Variants in CEACAM3 observed in about 807,000 individuals in gnomAD.
CEACAM3 encodes the protein cell adhesion molecule CEACAM3.
A neutral mutation model predicts 30.1 loss-of-function variants in CEACAM3; 32 were observed. The observed-to-expected ratio is 1.06, with a 90% CI of 0.80 to 1.43. The LOEUF (loss-of-function observed/expected upper bound fraction) is 1.43, where lower values mean the gene tolerates loss of function less well. CEACAM3 is among the 40% of genes most tolerant of loss of function. The probability of loss-of-function intolerance (pLI) is 0.00; values close to 1 mark genes in which losing one functional copy is unlikely to be tolerated. For missense variants in CEACAM3, 290 were observed against 316.3 expected (o/e 0.92, Z 0.63); for synonymous variants, 134 against 127.2 (o/e 1.05, Z -0.36).
chr19:41,810,850 G>T lies in CEACAM3; in HGVS notation c.646G>T (p.Ala216Ser), dbSNP rs1555827514. 2.5e-6 allele frequency: 4 copies of T among 1,613,302 alleles called. No individual in the cohort carries two copies. The highest frequency in any genetic ancestry group is 3.4e-6 in the Non-Finnish European group (4 of 1,179,618). Residue 216 changes from alanine to serine, a missense_variant, in exon 6 of 7, where the codon GCC (alanine) becomes TCC (serine). Ala to Ser is a moderately conservative substitution (Grantham distance 99). Coordinates refer to ENST00000357396, the MANE Select transcript of CEACAM3 (RefSeq NM_001815.5). ...SAFSMSPLST[A>S]QAPLPNPRTA... is the part of the protein sequence containing the mutation. Reference sequence around the variant, plus strand: ...TCCACAGATGTCCCCTCTCTCCACTGCCCAGGCCCCCCTACCCAACCCCAG... The same window carrying T: ...TCCACAGATGTCCCCTCTCTCCACTTCCCAGGCCCCCCTACCCAACCCCAG...
At position 41,811,285 on chromosome 19, in the gene CEACAM3, C is replaced by A. The variant is rs782213352; in HGVS notation, c.*48C>A. ...TGTGTTGATGGAGAGTCCCCAAGGC[C>A]CCCAGCCCTGGGGATGGGGAAGGAC... On this transcript the variant is annotated 3_prime_UTR_variant, in exon 7 of 7. Coordinates refer to ENST00000357396, the MANE Select transcript of CEACAM3 (RefSeq NM_001815.5). 1 of 1,521,024 alleles carries A rather than the reference C, an allele frequency of 6.6e-7. No homozygotes were observed. Among genetic ancestry groups the A allele is most frequent in the South Asian group, 1.1e-5 (1 of 89,272 alleles). 94.2% of individuals were successfully genotyped at this position (1,521,024 alleles called of 1,614,324 possible). A position where few individuals can be genotyped will look rare whatever the true frequency, so the allele number is the denominator to read the frequency against.
chr19:41,806,922 C>T (rs1372296901), intron 2 of CEACAM3, among the ~76,000 whole-genome samples: 2 of 151,860 alleles, frequency 1.3e-5, no homozygotes, highest in East Asian at 1.9e-4. Context: ...CTCGTGACCT[C>T]GTGATACGCC....
At position 41,798,071 on chromosome 19, in the gene CEACAM3, A is replaced by G. The variant is rs528661447; in HGVS notation, c.424+123A>G. The G allele has an allele frequency of 7.1e-5, 105 of 1,478,264 alleles. No homozygotes were observed. In the African/African-American group the frequency reaches 1.4e-3, roughly 20 times the overall value. The allele number at this position is 1,478,264 out of a possible 1,614,324, so 91.6% of individuals were successfully genotyped here. ...TTACATTCTGTATCAGGGTTTGGAC[A>G]TTTAGTGCAGGACACACACGGGGGA... is the stretch of plus-strand genomic sequence containing the variant. On this transcript the variant is annotated intron_variant, in intron 2 of 6. Coordinates refer to ENST00000357396, the MANE Select transcript of CEACAM3 (RefSeq NM_001815.5).
Position 41,810,904 on chromosome 19 carries a change from G to A in CEACAM3, c.693+7G>A, listed in dbSNP as rs2073244835. The A allele has an allele frequency of 2.6e-5, 42 of 1,612,994 alleles. No individual in the cohort carries two copies. The highest frequency in any genetic ancestry group is 3.5e-5 in the Non-Finnish European group (41 of 1,179,360). ...AGCAGCTTCCATCTATGAGGTGAGT[G>A]TGGGCCACGGATGTTCTGGTCCCAC... On this transcript the variant is annotated splice_region_variant and intron_variant, in intron 6 of 6. Coordinates refer to ENST00000357396, the MANE Select transcript of CEACAM3 (RefSeq NM_001815.5).
At chr19:41,806,643 C>A (rs2073202456) in intron 2 of CEACAM3, among the ~76,000 whole-genome samples, 1 of 152,188 alleles carries the variant, frequency 6.6e-6, no homozygotes, top group Non-Finnish European at 1.5e-5. Context: ...CTGTGACACA[C>A]ACATCTGTCT....
At chr19:41,809,148 C>A in intron 3 of CEACAM3, 1 of 466,028 alleles carries the variant, frequency 2.1e-6, no homozygotes, top group Non-Finnish European at 3.8e-6. Context: ...AATTAAGGCC[C>A]CACCCCTGAG....
At chr19:41,808,959 C>A in intron 3 of CEACAM3, 29 bp downstream of exon 3, 1 of 1,489,748 alleles carries the variant, frequency 6.7e-7, no homozygotes, top group South Asian at 1.3e-5. Context: ...ATCCTTCTCC[C>A]ACCCCCTAGG....
At chr19:41,801,491 G>A (rs1005785054) in intron 2 of CEACAM3, among the ~76,000 whole-genome samples, 4 of 152,212 alleles carry the variant, frequency 2.6e-5, no homozygotes, top group Non-Finnish European at 5.9e-5. Context: ...CCAATTCACT[G>A]AGACCACGAT....
intron 2 of CEACAM3, among the ~76,000 whole-genome samples, chr19:41,808,227 C>T (rs1214950864): frequency 1.3e-5 from 2 of 152,230 alleles, no homozygotes; most frequent in Non-Finnish European, 2.9e-5. Flanking sequence ...ACCTTGGGGC[C>T]AGCCTGGAAT....
intron 2 of CEACAM3, among the ~76,000 whole-genome samples, chr19:41,799,201 C>T (rs1444338751): frequency 3.3e-5 from 5 of 152,132 alleles, no homozygotes; most frequent in Non-Finnish European, 4.4e-5. Context: ...TGGTGGGAGG[C>T]GATTGGATCA....
intron 1 of CEACAM3, chr19:41,797,019 T>TTAAATAAAAATA (rs1179388096): frequency 2.2e-5 from 8 of 355,916 alleles, no homozygotes; most frequent in African/African-American, 4.2e-5. Context: ...GGGTGATACT[T>TTAAATAAAAATA]TAAATAAAAA....
Position 41,796,628 on chromosome 19 carries a change from G to A in CEACAM3, c.-50G>A, listed in dbSNP as rs782492209. ...CAGTAGCCCTGACTACAGCATTCCT[G>A]GAGCCCAGGCTCTTTTCCACAGAGG... On this transcript the variant is annotated 5_prime_UTR_variant, in exon 1 of 7. Transcript: ENST00000357396. The A allele has an allele frequency of 6.2e-7, 1 of 1,603,368 alleles. No individual in the cohort carries two copies. Among genetic ancestry groups the A allele is most frequent in the Non-Finnish European group, 8.5e-7 (1 of 1,170,312 alleles).
chr19:41,809,026 A>G (rs992315614), intron 3 of CEACAM3, 96 bp downstream of exon 3: 10 of 863,864 alleles, frequency 1.2e-5, no homozygotes, highest in Middle Eastern at 2.4e-4. Context: ...CAGGCTCTCC[A>G]CGGCCTCCCA....
intron 3 of CEACAM3, 23 bp from the exon 4 acceptor site, chr19:41,809,942 C>A (rs2123024316): frequency 6.2e-7 from 1 of 1,613,512 alleles, no homozygotes; most frequent in South Asian, 1.1e-5. Flanking sequence ...GGCACCCTCC[C>A]AAATGACCCT....
chr19:41,803,772 A>T (rs1299191967), intron 2 of CEACAM3, among the ~76,000 whole-genome samples: 1 of 72,936 alleles, frequency 1.4e-5, no homozygotes, highest in Admixed American at 1.9e-4. Context: ...GGCCTGAAAC[A>T]GCAAAGCTTT....
chr19:41,807,956 A>T (rs1427827682), intron 2 of CEACAM3, among the ~76,000 whole-genome samples: 1 of 152,210 alleles, frequency 6.6e-6, no homozygotes, highest in African/African-American at 2.4e-5. Flanking sequence ...ATAAGAGTGG[A>T]TCCTATGCTT....
In CEACAM3 at chr19:41,797,844, T is replaced by C. The variant is rs781854495; in HGVS notation, c.320T>C (p.Leu107Pro). 11 of 1,613,408 alleles carry C rather than the reference T, an allele frequency of 6.8e-6. No homozygotes were observed. The highest frequency in any genetic ancestry group is 8.5e-6 in the Non-Finnish European group (10 of 1,180,032). The change falls in exon 2 of 7, where the codon CTG becomes CCG. Residue 107 changes from leucine to proline, a missense_variant. Coordinates refer to ENST00000357396, the MANE Select transcript of CEACAM3 (RefSeq NM_001815.5). Reference protein sequence around the residue: ...GRETIYTNASLLIQNVTQNDI... With the variant: ...GRETIYTNASPLIQNVTQNDI... ...GAGACAATATACACCAATGCATCCC[T>C]GCTGATCCAGAATGTCACCCAGAAT...
intron 2 of CEACAM3, among the ~76,000 whole-genome samples, chr19:41,800,699 C>T (rs565076189): frequency 3.3e-5 from 5 of 152,298 alleles, no homozygotes; most frequent in South Asian, 2.1e-4. Context: ...CTCTCTCTGC[C>T]TCATCTGCCA....
intron 2 of CEACAM3, among the ~76,000 whole-genome samples, chr19:41,798,262 C>T (rs1203743198): frequency 6.6e-6 from 1 of 152,168 alleles, no homozygotes; most frequent in Non-Finnish European, 1.5e-5. Flanking sequence ...CCCTGGAGAA[C>T]TGGATCAGGG....
Sources: gnomAD v4.1 joint callset for allele counts (sites outside exome capture counted in the v4.1 genomes callset) on GRCh38, gnomAD v4.1.1 for gene constraint, MANE v1.5 for transcripts, NCBI Gene and HGNC (gene_info 2026-07-23, HGNC 2026-07-21) for gene names.